The following N4BP2L1 variants were observed in gnomAD, a reference collection of about 807,000 sequenced individuals.
N4BP2L1 encodes NEDD4 binding protein 2 like 1.
N4BP2L1 carries 12 observed loss-of-function variants against 21.2 expected under a neutral mutation model. The observed-to-expected ratio is 0.57, with a 90% CI of 0.36 to 0.92. The LOEUF (loss-of-function observed/expected upper bound fraction) is 0.92. Among genes scored for constraint, N4BP2L1 ranks in the 40% least tolerant of loss-of-function variants. N4BP2L1 has a pLI of 0.01. For synonymous variants in N4BP2L1, 104 were observed against 112.8 expected, an observed-to-expected ratio of 0.92 and a Z score of 0.49; for missense variants, 259 against 310.6, an observed-to-expected ratio of 0.83 and a Z score of 1.25.
At chr13:32,427,639 G>C (rs982640989) in intron 1 of N4BP2L1, among the ~76,000 whole-genome samples, 1 of 152,170 alleles carries the variant, frequency 6.6e-6, no homozygotes, top group Non-Finnish European at 1.5e-5. Flanking sequence ...AGCGCGGCGG[G>C]AAACAAACAG....
intron 1 of N4BP2L1, chr13:32,411,669 A>G (rs1361527673): frequency 6.1e-6 from 6 of 985,012 alleles, no homozygotes; most frequent in Non-Finnish European, 6.0e-6. Context: ...TATAACCTTC[A>G]CCTCCCACAA....
intron 1 of N4BP2L1, among the ~76,000 whole-genome samples, chr13:32,421,551 A>G (rs1204574923): frequency 6.6e-6 from 1 of 152,122 alleles, no homozygotes. Context: ...TGACTCTCCA[A>G]TCCTAAAATC....
intron 2 of N4BP2L1, 109 bp downstream of exon 2, chr13:32,407,536 T>G (rs1411808920): frequency 3.8e-6 from 6 of 1,598,442 alleles, no homozygotes; most frequent in Non-Finnish European, 5.1e-6. Flanking sequence ...GGGGGAAAAA[T>G]TGGCAGAACT....
intron 1 of N4BP2L1, chr13:32,419,427 TTTTTTTTTTTTTTTTTTTTTG>T: frequency 8.0e-6 from 1 of 124,526 alleles, no homozygotes; most frequent in Non-Finnish European, 1.7e-5. Context: ...TTTTTTTTTT[TTTTTTTTTTTTTTTTTTTTTG>T]TATTTTACAG....
In N4BP2L1 at chr13:32,427,899, A is replaced by C. The variant is rs1425456126; in HGVS notation, c.179+5T>G. ...GTGCACCGGCGCCCAGACCGCTGTC[A>C]TTACCTGGCCAGTGTAGTTTTCCCG... is the stretch of plus-strand genomic sequence containing the variant. On this transcript the variant is annotated splice_donor_5th_base_variant and intron_variant, in intron 1 of 4. Coordinates refer to ENST00000380130, the MANE Select transcript of N4BP2L1 (RefSeq NM_052818.3). The C allele has an allele frequency of 1.3e-6, 2 of 1,487,556 alleles. No individual in the cohort carries two copies. The highest frequency in any genetic ancestry group is 2.9e-5 in the East Asian group (1 of 34,584). 92.1% of individuals were successfully genotyped at this position (1,487,556 alleles called of 1,614,324 possible).
At chr13:32,427,279 G>C (rs2074828477) in intron 1 of N4BP2L1, among the ~76,000 whole-genome samples, 1 of 152,208 alleles carries the variant, frequency 6.6e-6, no homozygotes, top group Non-Finnish European at 1.5e-5. Context: ...CAAAGCAAAC[G>C]CAGGCTCCCC....
chr13:32,418,084 C>T (rs1475184304), intron 1 of N4BP2L1, among the ~76,000 whole-genome samples: 3 of 152,174 alleles, frequency 2.0e-5, no homozygotes, highest in Admixed American at 2.0e-4. Flanking sequence ...ATGTTAATCA[C>T]CAAGACAATG....
chr13:32,409,776 C>A (rs565941552), intron 1 of N4BP2L1, among the ~76,000 whole-genome samples: 1 of 151,928 alleles, frequency 6.6e-6, no homozygotes, highest in Admixed American at 6.6e-5. Context: ...GCTGAGCACA[C>A]GGGCAGGAAA....
intron 1 of N4BP2L1, among the ~76,000 whole-genome samples, chr13:32,414,665 C>T (rs763667987): frequency 6.6e-6 from 1 of 152,104 alleles, no homozygotes; most frequent in Non-Finnish European, 1.5e-5. Flanking sequence ...GAGTACTAAG[C>T]AGTGAACAAA....
Position 32,402,762 on chromosome 13 carries a change from C to A in N4BP2L1, c.*180G>T, listed in dbSNP as rs1159135000. On this transcript the variant is annotated 3_prime_UTR_variant, in exon 5 of 5. Transcript: ENST00000380130. ...GCAGAATTCCCAGCATCAGACCATG[C>A]ATATAGAAGCACTTTAACAAATTTT... 2 of 1,387,658 alleles carry A rather than the reference C, an allele frequency of 1.4e-6. No individual in the cohort carries two copies. The highest frequency in any genetic ancestry group is 9.3e-7 in the Non-Finnish European group (1 of 1,072,784). The allele number at this position is 1,387,658 out of a possible 1,614,324, so 86.0% of individuals were successfully genotyped here. A position where few individuals can be genotyped will look rare whatever the true frequency, so the allele number is the denominator to read the frequency against.
chr13:32,413,268 TG>T (rs2073959127), intron 1 of N4BP2L1, among the ~76,000 whole-genome samples: 1 of 152,154 alleles, frequency 6.6e-6, no homozygotes, highest in Admixed American at 6.5e-5. Context: ...AATTCCCCAA[TG>T]GTCTCAAGAA....
chr13:32,403,266 G>A (rs545667359), intron 4 of N4BP2L1, 66 bp from the exon 5 acceptor site: 1 of 1,495,010 alleles, frequency 6.7e-7, no homozygotes, highest in African/African-American at 1.4e-5. Context: ...TATTTTACAA[G>A]TCCTCTAGTA....
chr13:32,411,500 C>T lies in N4BP2L1; in HGVS notation c.180-3728G>A, dbSNP rs957543076. ...TGATTAAATAGACAATCTTGAGATTCTCAAACTTAAGTGGAAGCAATAAAT... is the reference window on the plus strand; with the variant it reads ...TGATTAAATAGACAATCTTGAGATTTTCAAACTTAAGTGGAAGCAATAAAT... On this transcript the variant is annotated intron_variant, in intron 1 of 4. Transcript: ENST00000380130. The T allele has an allele frequency of 9.1e-6, 9 of 984,766 alleles. No individual in the cohort carries two copies. The Admixed American group carries it at 5.5e-4, about 61-fold the overall frequency. The allele number at this position is 984,766 out of a possible 1,614,324, so 61.0% of individuals were successfully genotyped here. A position where few individuals can be genotyped will look rare whatever the true frequency, so the allele number is the denominator to read the frequency against.
chr13:32,422,318 C>T (rs914512131), intron 1 of N4BP2L1, among the ~76,000 whole-genome samples: 1 of 151,506 alleles, frequency 6.6e-6, no homozygotes, highest in East Asian at 1.9e-4. Context: ...CACGAGATCA[C>T]CCCCTTTCCG....
Position 32,427,936 on chromosome 13 carries a change from G to T in N4BP2L1, c.147C>A (p.Gly49=). The T allele has an allele frequency of 6.6e-7, 1 of 1,526,498 alleles. No individual in the cohort carries two copies. The highest frequency in any genetic ancestry group is 2.7e-5 in the East Asian group (1 of 37,158). 94.6% of individuals were successfully genotyped at this position (1,526,498 alleles called of 1,614,324 possible). A position where few individuals can be genotyped will look rare whatever the true frequency, so the allele number is the denominator to read the frequency against. The change falls in exon 1 of 5, where the codon GGC becomes GGA. Residue 49 remains glycine, a synonymous_variant. Coordinates refer to ENST00000380130, the MANE Select transcript of N4BP2L1 (RefSeq NM_052818.3). ...SFRKHLYLLR[G]LPGSGKTTLA... ...GTGTAGTTTTCCCGGAGCCCGGGAG[G>T]CCTCGCAGGAGGTAGAGGTGTTTCC...
intron 1 of N4BP2L1, among the ~76,000 whole-genome samples, chr13:32,413,209 A>G (rs772938817): frequency 6.6e-6 from 1 of 152,196 alleles, no homozygotes; most frequent in Admixed American, 6.5e-5. Context: ...TACAGGCATG[A>G]GCCACCTCTC....
At chr13:32,407,211 T>TG in intron 3 of N4BP2L1, 39 bp downstream of exon 3, 1 of 1,581,580 alleles carries the variant, frequency 6.3e-7, no homozygotes, top group East Asian at 2.2e-5. Context: ...TCTCACAAAA[T>TG]GTCCATAACT....
intron 1 of N4BP2L1, among the ~76,000 whole-genome samples, chr13:32,426,550 TCTA>T (rs1340833384): frequency 4.6e-5 from 7 of 152,080 alleles, no homozygotes; most frequent in East Asian, 1.9e-4. Context: ...GCCAAAAGCT[TCTA>T]CTCCGCGAGT....
chr13:32,417,996 T>A (rs1488874999), intron 1 of N4BP2L1, among the ~76,000 whole-genome samples: 2 of 152,096 alleles, frequency 1.3e-5, no homozygotes, highest in Non-Finnish European at 2.9e-5. Context: ...CCTGATGATG[T>A]GATAGAAAAG....
Sources: gnomAD v4.1 joint callset for allele counts (sites outside exome capture counted in the v4.1 genomes callset) on GRCh38, gnomAD v4.1.1 for gene constraint, MANE v1.5 for transcripts, NCBI Gene and HGNC (gene_info 2026-07-23, HGNC 2026-07-21) for gene names.